HHIP: variants seen among roughly 807,000 people sequenced by gnomAD.
HHIP encodes hedgehog-interacting protein.
HHIP carries 12 observed loss-of-function variants against 74.0 expected under a neutral mutation model. The ratio of observed to expected loss-of-function variants is 0.16; its 90% CI spans 0.10 to 0.26. The LOEUF is 0.26. HHIP is among the 10% of genes least tolerant of loss of function. The pLI is 1.00. For missense variants in HHIP, 788 were observed against 845.0 expected, an observed-to-expected ratio of 0.93 and a Z score of 0.84; for synonymous variants, 309 against 311.6, an observed-to-expected ratio of 0.99 and a Z score of 0.09.
At position 144,745,175 on chromosome 4, in the gene HHIP, T is replaced by C. The variant is rs2126705864; in HGVS notation, c.*7218T>C. Reference sequence around the variant, plus strand: ...TGTACAATTTCTTTTCTTAATTTAATATATTTATGTAAATGCATGCCTGAA... The same window carrying C: ...TGTACAATTTCTTTTCTTAATTTAACATATTTATGTAAATGCATGCCTGAA... On this transcript the variant is annotated 3_prime_UTR_variant, in exon 13 of 13. Coordinates refer to ENST00000296575, the MANE Select transcript of HHIP (RefSeq NM_022475.3). 1.3e-5 allele frequency: 2 copies of C among 152,338 alleles called. No individual in the cohort carries two copies. The highest frequency in any genetic ancestry group is 2.9e-5 in the Non-Finnish European group (2 of 68,032). The allele number at this position is 152,338 out of a possible 1,614,324, so 9.4% of individuals were successfully genotyped here.
At chr4:144,702,954 C>T (rs190556183) in intron 4 of HHIP, among the ~76,000 whole-genome samples, 150 of 152,250 alleles carry the variant, frequency 9.9e-4, no homozygotes, top group African/African-American at 3.4e-3. Context: ...CAGTGGCTCA[C>T]GCCTGTAATC....
chr4:144,729,766 AAGAC>A (rs1253822346), intron 11 of HHIP, among the ~76,000 whole-genome samples: 2 of 152,146 alleles, frequency 1.3e-5, no homozygotes, highest in Non-Finnish European at 2.9e-5. Context: ...AAAGCTGTCT[AAGAC>A]AGGCTACAGA....
chr4:144,659,015 G>GT, intron 3 of HHIP, 69 bp downstream of exon 3: 7 of 1,292,076 alleles, frequency 5.4e-6, no homozygotes, highest in South Asian at 2.8e-5. Flanking sequence ...GGTTTTGACA[G>GT]TGAATCAACT....
chr4:144,666,020 C>T (rs1032298407), intron 4 of HHIP, among the ~76,000 whole-genome samples: 4 of 152,072 alleles, frequency 2.6e-5, no homozygotes, highest in African/African-American at 9.7e-5. Context: ...AAACGTCTGC[C>T]GTCTTTAAAG....
At chr4:144,736,787 C>T (rs1228963465) in intron 12 of HHIP, among the ~76,000 whole-genome samples, 7 of 152,128 alleles carry the variant, frequency 4.6e-5, no homozygotes, top group Admixed American at 4.6e-4. Context: ...TGGACCTAAA[C>T]AGGAATTTTA....
chr4:144,667,643 C>T (rs1230431802), intron 4 of HHIP, among the ~76,000 whole-genome samples: 2 of 152,184 alleles, frequency 1.3e-5, no homozygotes, highest in African/African-American at 4.8e-5. Flanking sequence ...TCTCAAAGCA[C>T]AGGACTAACG....
intron 6 of HHIP, among the ~76,000 whole-genome samples, chr4:144,707,547 C>A (rs1730179734): frequency 6.8e-6 from 1 of 147,102 alleles, no homozygotes; most frequent in Admixed American, 7.0e-5. Context: ...AACCATACTG[C>A]CTCTCAACAC....
At chr4:144,707,402 A>G (rs755634058) in intron 6 of HHIP, 142 bp downstream of exon 6, 3 of 641,782 alleles carry the variant, frequency 4.7e-6, no homozygotes, top group Non-Finnish European at 7.9e-6. Flanking sequence ...CAGTGTCTGC[A>G]TTTATGAAAT....
intron 4 of HHIP, among the ~76,000 whole-genome samples, chr4:144,684,285 G>T (rs1268271901): frequency 2.5e-5 from 2 of 79,580 alleles, no homozygotes; most frequent in Non-Finnish European, 4.4e-5. Context: ...TTGAGACGGA[G>T]TCTCGCTTTG....
intron 11 of HHIP, among the ~76,000 whole-genome samples, chr4:144,732,320 A>C (rs1271915799): frequency 6.6e-6 from 1 of 152,226 alleles, no homozygotes; most frequent in Non-Finnish European, 1.5e-5. Flanking sequence ...CAATGTTTGT[A>C]TATTACAGCC....
chr4:144,736,083 T>C (rs776348726), intron 12 of HHIP, among the ~76,000 whole-genome samples: 11 of 151,992 alleles, frequency 7.2e-5, no homozygotes, highest in Non-Finnish European at 1.2e-4. Flanking sequence ...TTCCTGCTAA[T>C]TTATTATCTC....
chr4:144,664,891 T>C (rs12501043), intron 4 of HHIP, among the ~76,000 whole-genome samples: 55,011 of 152,096 alleles, frequency 0.36, 11,318 homozygotes, highest in South Asian at 0.52. Flanking sequence ...AAGAGAGTTG[T>C]TATAGTGGTG....
At chr4:144,707,944 ATG>A (rs1292428820) in intron 6 of HHIP, among the ~76,000 whole-genome samples, 4 of 152,006 alleles carry the variant, frequency 2.6e-5, no homozygotes. Context: ...GAGTCTCGCT[ATG>A]TTGCCAGGCT....
intron 4 of HHIP, among the ~76,000 whole-genome samples, chr4:144,700,910 C>A (rs1387219225): frequency 6.6e-6 from 1 of 152,146 alleles, no homozygotes; most frequent in African/African-American, 2.4e-5. Flanking sequence ...AGTTCTCAAA[C>A]AAACCTGTTT....
At chr4:144,727,525 C>T (rs892343290) in intron 11 of HHIP, among the ~76,000 whole-genome samples, 5 of 152,106 alleles carry the variant, frequency 3.3e-5, no homozygotes, top group Admixed American at 2.0e-4. Context: ...ATTCACTGCT[C>T]ATATTATAGT....
intron 4 of HHIP, among the ~76,000 whole-genome samples, chr4:144,695,635 A>C (rs1348953779): frequency 6.6e-6 from 1 of 151,784 alleles, no homozygotes; most frequent in East Asian, 1.9e-4. Flanking sequence ...CTACTAAATA[A>C]ATTTCTTTAT....
chr4:144,715,121 C>T (rs866189829), intron 9 of HHIP, 179 bp from the exon 10 acceptor site: 1 of 518,960 alleles, frequency 1.9e-6, no homozygotes, highest in Non-Finnish European at 3.4e-6. Flanking sequence ...TAAGTACTTT[C>T]TCCGCATATG....
chr4:144,707,941 G>A lies in HHIP; in HGVS notation c.1158-227G>A, dbSNP rs539936427. On this transcript the variant is annotated intron_variant, in intron 6 of 12. Transcript: ENST00000296575. ...AAATTTTTTGTAGAGATGGAGTCTC[G>A]CTATGTTGCCAGGCTGGCCTTGAAC... 1.6e-4 allele frequency among the ~76,000 whole-genome samples: 24 copies of A among 152,042 alleles called. 1 individual carries two copies. The highest frequency in any genetic ancestry group is 1.5e-3 in the East Asian group (8 of 5,164).
At chr4:144,650,210 G>T (rs1728379646) in intron 1 of HHIP, among the ~76,000 whole-genome samples, 1 of 152,022 alleles carries the variant, frequency 6.6e-6, no homozygotes. Context: ...ACTTTACTGT[G>T]TATCCCCTAT....
Sources: allele counts gnomAD v4.1 joint callset (sites outside exome capture counted in the v4.1 genomes callset), GRCh38; gene constraint gnomAD v4.1.1; transcripts MANE v1.5; gene names NCBI Gene and HGNC (gene_info 2026-07-23, HGNC 2026-07-21).